Variants in SGCD observed in about 807,000 individuals in gnomAD.
SGCD encodes the protein sarcoglycan delta.
SGCD carries 18 observed loss-of-function variants against 36.6 expected under a neutral mutation model. That is an observed-to-expected ratio of 0.49 (90% CI 0.34 to 0.73). SGCD has a LOEUF of 0.73. SGCD is among the 30% of genes least tolerant of loss of function. The pLI, the probability that SGCD is intolerant of heterozygous loss-of-function variation, is 0.01. For synonymous variants in SGCD, 133 were observed against 130.6 expected, an observed-to-expected ratio of 1.02 and a Z score of -0.12; for missense variants, 387 against 346.7, an observed-to-expected ratio of 1.12 and a Z score of -0.92.
At chr5:156,653,299 ACTT>A (rs61284724) in intron 7 of SGCD, among the ~76,000 whole-genome samples, 128,981 of 151,258 alleles carry the variant, frequency 0.85, 55,238 homozygotes, top group East Asian at 0.98. Flanking sequence ...CGGGGTTTCA[ACTT>A]CTTCCTGATT....
chr5:156,446,497 A>C (rs1296329938), intron 3 of SGCD, among the ~76,000 whole-genome samples: 1 of 152,126 alleles, frequency 6.6e-6, no homozygotes, highest in Non-Finnish European at 1.5e-5. Flanking sequence ...AGGGTTCTAG[A>C]GAAAGACAAA....
At chr5:156,195,015 A>C (rs1763989402) in intron 3 of SGCD, among the ~76,000 whole-genome samples, 1 of 152,214 alleles carries the variant, frequency 6.6e-6, no homozygotes, top group South Asian at 2.1e-4. Flanking sequence ...TGGGGAACAC[A>C]GAAATAAATC....
intron 3 of SGCD, among the ~76,000 whole-genome samples, chr5:156,214,724 A>G (rs1001039293): frequency 6.6e-5 from 10 of 152,122 alleles, no homozygotes; most frequent in African/African-American, 2.4e-4. Flanking sequence ...TAATCAAAAC[A>G]GCATGGTGCT....
chr5:155,748,253 T>G, the SGCD span, among the ~76,000 whole-genome samples: 4 of 152,048 alleles, frequency 2.6e-5, no homozygotes, highest in African/African-American at 7.2e-5. Flanking sequence ...AGGTCATGCC[T>G]CCTCCTAAAT....
chr5:155,955,954 G>A (rs2113440243), intron 1 of SGCD, among the ~76,000 whole-genome samples: 1 of 152,228 alleles, frequency 6.6e-6, no homozygotes, highest in South Asian at 2.1e-4. Context: ...AAGTGTGTAA[G>A]ATTGGCGATG....
intron 1 of SGCD, among the ~76,000 whole-genome samples, chr5:156,022,078 C>A (rs1390028405): frequency 6.6e-6 from 1 of 152,114 alleles, no homozygotes; most frequent in Non-Finnish European, 1.5e-5. Flanking sequence ...TACTTTCTGT[C>A]TCTACAGATT....
At chr5:155,918,843 C>T (rs1756811301) in intron 1 of SGCD, among the ~76,000 whole-genome samples, 1 of 152,170 alleles carries the variant, frequency 6.6e-6, no homozygotes, top group South Asian at 2.1e-4. Context: ...GTTTTATCTT[C>T]CCCCTTCTCC....
chr5:156,015,623 A>ATATATG lies in SGCD; in HGVS notation c.-281-102238_-281-102233dup, dbSNP rs199551832. On this transcript the variant is annotated intron_variant, in intron 1 of 9. Transcript: ENST00000517913. ...TATGTATGCATGTGTGTGTGTGTAT[A>ATATATG]TATATGTATATGTATATGTATACCC... Among the ~76,000 whole-genome samples, 1,001 of 151,792 alleles carry ATATATG rather than the reference A, an allele frequency of 6.6e-3. 14 individuals carry two copies. The highest frequency in any genetic ancestry group is 0.022 in the African/African-American group (914 of 41,370).
Position 155,985,423 on chromosome 5 carries a change from C to T in SGCD, c.-282+114999C>T, listed in dbSNP as rs114294078. Among the ~76,000 whole-genome samples the T allele has an allele frequency of 3.5e-3, 532 of 152,280 alleles. 4 individuals carry two copies. Among genetic ancestry groups the T allele is most frequent in the African/African-American group, 0.011 (451 of 41,566 alleles). On this transcript the variant is annotated intron_variant, in intron 1 of 9. Coordinates refer to the SGCD transcript ENST00000517913. ...TTAGAATCTCTTGCCTTCCCTTCTG[C>T]GTCGTCCTCTAATTTCCTCTTCTTT...
the SGCD span, among the ~76,000 whole-genome samples, chr5:155,795,370 G>A: frequency 6.6e-6 from 1 of 152,034 alleles, no homozygotes; most frequent in Non-Finnish European, 1.5e-5. Context: ...TCTTGGATGA[G>A]TATAAATCAA....
At chr5:156,688,240 T>C (rs1255099088) in intron 7 of SGCD, among the ~76,000 whole-genome samples, 3 of 152,140 alleles carry the variant, frequency 2.0e-5, no homozygotes, top group Non-Finnish European at 4.4e-5. Context: ...CAGTTGCTAT[T>C]TTTGGCATAG....
intron 3 of SGCD, among the ~76,000 whole-genome samples, chr5:156,127,097 C>A (rs1762190894): frequency 6.6e-6 from 1 of 152,022 alleles, no homozygotes; most frequent in African/African-American, 2.4e-5. Flanking sequence ...GACCCATATG[C>A]CTTAGTGTGT....
At chr5:156,330,401 C>T (rs970191095) in intron 2 of SGCD, among the ~76,000 whole-genome samples, 1 of 152,154 alleles carries the variant, frequency 6.6e-6, no homozygotes, top group African/African-American at 2.4e-5. Flanking sequence ...CAGGTCCTGG[C>T]TCCATTCATC....
intron 1 of SGCD, among the ~76,000 whole-genome samples, chr5:156,012,068 A>G (rs537373650): frequency 2.0e-5 from 3 of 152,254 alleles, no homozygotes; most frequent in Non-Finnish European, 4.4e-5. Context: ...TATTGCCTGT[A>G]TATGTTATAA....
intron 3 of SGCD, among the ~76,000 whole-genome samples, chr5:156,261,678 A>G (rs1479077079): frequency 1.3e-5 from 2 of 152,176 alleles, no homozygotes; most frequent in African/African-American, 2.4e-5. Flanking sequence ...TTCAGGAGGT[A>G]TTACAGAGAA....
At chr5:156,477,049 G>GAAAAAA (rs5872462) in intron 3 of SGCD, among the ~76,000 whole-genome samples, 2 of 123,004 alleles carry the variant, frequency 1.6e-5, no homozygotes, top group African/African-American at 3.1e-5. Flanking sequence ...AAGAGAAAAA[G>GAAAAAA]AAAAAAAAAA....
At chr5:156,622,351 T>G (rs1365218499) in intron 6 of SGCD, among the ~76,000 whole-genome samples, 2 of 151,344 alleles carry the variant, frequency 1.3e-5, no homozygotes, top group Non-Finnish European at 2.9e-5. Flanking sequence ...GAGAATCACT[T>G]GAACCCAGAA....
intron 4 of SGCD, among the ~76,000 whole-genome samples, chr5:156,526,349 T>C (rs560257782): frequency 2.0e-5 from 3 of 152,230 alleles, no homozygotes; most frequent in South Asian, 4.1e-4. Context: ...AGGAGCAAAG[T>C]CATGTCTCTG....
At chr5:156,242,725 G>T (rs1022972397) in intron 3 of SGCD, among the ~76,000 whole-genome samples, 2 of 152,188 alleles carry the variant, frequency 1.3e-5, no homozygotes, top group African/African-American at 4.8e-5. Context: ...ACCCTTGTAG[G>T]CGGACTGCCC....
Sources: gnomAD v4.1 joint callset for allele counts (sites outside exome capture counted in the v4.1 genomes callset) on GRCh38, gnomAD v4.1.1 for gene constraint, MANE v1.5 for transcripts, NCBI Gene and HGNC (gene_info 2026-07-23, HGNC 2026-07-21) for gene names.